Variants in DGKZ observed in about 807,000 individuals in gnomAD.
DGKZ encodes DAG kinase zeta.
DGKZ carries 45 observed loss-of-function variants against 142.5 expected under a neutral mutation model. The ratio of observed to expected loss-of-function variants is 0.32; its 90% confidence interval spans 0.25 to 0.40. The LOEUF (loss-of-function observed/expected upper bound fraction) is 0.40, where lower values mean the gene tolerates loss of function less well. Ranked by LOEUF, DGKZ falls within the 10% of genes least tolerant of loss-of-function variation. DGKZ has a pLI of 1.00. For missense variants in DGKZ, 755 were observed against 1,306.5 expected (o/e 0.58, Z 6.51); for synonymous variants, 442 against 527.0 (o/e 0.84, Z 2.21).
chr11:46,364,464 C>G, intron 1 of DGKZ: 1 of 1,271,056 alleles, frequency 7.9e-7, no homozygotes, highest in Non-Finnish European at 1.0e-6. Context: ...CCCTCCGGCC[C>G]AGGTGGTCTG....
intron 1 of DGKZ, among the ~76,000 whole-genome samples, chr11:46,335,174 T>C (rs1939954026): frequency 6.6e-6 from 1 of 151,818 alleles, no homozygotes; most frequent in Non-Finnish European, 1.5e-5. Flanking sequence ...ATTAACCAGG[T>C]GTGGTGGCAG....
chr11:46,378,587 C>T (rs773518731), intron 27 of DGKZ, 87 bp downstream of exon 27: 20 of 1,552,394 alleles, frequency 1.3e-5, no homozygotes, highest in Non-Finnish European at 1.8e-5. Context: ...AAGAGCTGAC[C>T]TGCTCAGGTG....
rs762591468 is a variant in DGKZ, at chr11:46,372,572, C to T, written c.1011-45C>T. Reference sequence around the variant, plus strand: ...GGGAACTTGCCTCACTCCTGGGGTACAGCACACATCCCCTGACCCCACTGC... The same window carrying T: ...GGGAACTTGCCTCACTCCTGGGGTATAGCACACATCCCCTGACCCCACTGC... On this transcript the variant is annotated intron_variant, in intron 11 of 30. Coordinates refer to ENST00000527911, the Ensembl canonical transcript of DGKZ. This position sits in a 1 kb window ranked among gnomAD's most constrained non-coding sequence, Gnocchi z 5.9. 8.7e-6 allele frequency: 14 copies of T among 1,613,622 alleles called. No homozygotes were observed. Among genetic ancestry groups the T allele is most frequent in the Middle Eastern group, 1.6e-4 (1 of 6,084 alleles).
At position 46,347,957 on chromosome 11, in the gene DGKZ, G is replaced by A. The variant is rs1225251574; in HGVS notation, c.161+137G>A. 4 of 1,211,222 alleles carry A rather than the reference G, an allele frequency of 3.3e-6. No individual in the cohort carries two copies. The highest frequency in any genetic ancestry group is 4.2e-6 in the Non-Finnish European group (4 of 959,012). 75.0% of individuals were successfully genotyped at this position (1,211,222 alleles called of 1,614,324 possible). A position where few individuals can be genotyped will look rare whatever the true frequency, so the allele number is the denominator to read the frequency against. ...AGTCGGGGAGAGGCTGGCACCGGCG[G>A]CACGAGCCGTCTTGGCGTGGGCACC... On this transcript the variant is annotated intron_variant, in intron 1 of 30. Coordinates refer to ENST00000527911, the Ensembl canonical transcript of DGKZ. The surrounding 1 kb of genome is among the most constrained non-coding windows in gnomAD (Gnocchi z 6.4).
Position 46,375,449 on chromosome 11 carries a change from C to T in DGKZ, c.1728C>T (p.Gly576=), listed in dbSNP as rs368401110. 3.0e-4 allele frequency: 472 copies of T among 1,576,542 alleles called. 3 individuals are homozygous for T. The highest frequency in any genetic ancestry group is 2.9e-3 in the South Asian group (251 of 86,886). ...GCCCACAGGCCGCGCTGCAGGTGGG[C>T]GGACACGGCGAGCGGCTGACGCAGT... The change falls in exon 20 of 31, where the codon GGC becomes GGT. Residue 576 remains glycine (G), a synonymous_variant. Transcript: ENST00000527911.
rs1422244179 is a variant in DGKZ at position 46,379,131 on chromosome 11, C to G, written c.2539+20C>G. ...ACCACGGTGAGCCGGGCAGTGGAGC[C>G]CAGGGCCTGGGGCCAAGGTGGGAGG... On this transcript the variant is annotated intron_variant, in intron 28 of 30. Coordinates refer to ENST00000527911, the Ensembl canonical transcript of DGKZ. The G allele has an allele frequency of 7.5e-6, 12 of 1,610,412 alleles. No homozygotes were observed. Among genetic ancestry groups the G allele is most frequent in the Middle Eastern group, 1.7e-4 (1 of 5,904 alleles).
In DGKZ at chr11:46,362,213, C is replaced by T. The variant is rs150557280; in HGVS notation, c.162-5078C>T. Among the ~76,000 whole-genome samples, 18 of 152,320 alleles carry T rather than the reference C, an allele frequency of 1.2e-4. No homozygotes were observed. The East Asian group carries it at 3.1e-3, about 26-fold the overall frequency. ...CGCCATGCACCATGCCCAGCCTTCACGGAGCAGAAGGCGGACGAGGCCCTG... is the reference window on the plus strand; with the variant it reads ...CGCCATGCACCATGCCCAGCCTTCATGGAGCAGAAGGCGGACGAGGCCCTG... On this transcript the variant is annotated intron_variant, in intron 1 of 30. Transcript: ENST00000527911.
chr11:46,373,790 G>T (rs1280238958), intron 14 of DGKZ, among the ~76,000 whole-genome samples: 2 of 152,216 alleles, frequency 1.3e-5, no homozygotes, highest in South Asian at 2.1e-4. Context: ...GAGCCACCAC[G>T]CCTGGTCAGA....
At chr11:46,339,948 G>T (rs1171803998) in intron 1 of DGKZ, among the ~76,000 whole-genome samples, 1 of 152,224 alleles carries the variant, frequency 6.6e-6, no homozygotes, top group Non-Finnish European at 1.5e-5. Context: ...CTTCTGCAGG[G>T]CTCCAGTGTG....
chr11:46,333,642 G>A (rs1025732059), intron 1 of DGKZ, among the ~76,000 whole-genome samples: 6 of 152,210 alleles, frequency 3.9e-5, no homozygotes, highest in Non-Finnish European at 7.3e-5. Context: ...TGTACAGCGG[G>A]AAGGAGGCAG....
At chr11:46,364,603 C>T in intron 1 of DGKZ, 4 of 985,450 alleles carry the variant, frequency 4.1e-6, no homozygotes, top group South Asian at 4.7e-5. Flanking sequence ...CCCTAGGCAC[C>T]TCCACCCTGT....
chr11:46,348,898 T>G, intron 1 of DGKZ, among the ~76,000 whole-genome samples: 1 of 152,202 alleles, frequency 6.6e-6, no homozygotes, highest in East Asian at 1.9e-4. Context: ...CTCTGACCAC[T>G]TGGAGTCTGC....
chr11:46,378,945 G>A, intron 27 of DGKZ, 46 bp from the exon 28 acceptor site: 1 of 1,504,992 alleles, frequency 6.6e-7, no homozygotes, highest in Non-Finnish European at 8.8e-7. Flanking sequence ...CAGGGAAGGA[G>A]GGGTGGCCCC....
chr11:46,367,160 C>T lies in DGKZ; in HGVS notation c.162-131C>T. 1 of 1,236,222 alleles carries T rather than the reference C, an allele frequency of 8.1e-7. No individual in the cohort carries two copies. The highest frequency in any genetic ancestry group is 1.3e-5 in the South Asian group (1 of 76,870). The allele number at this position is 1,236,222 out of a possible 1,614,324, so 76.6% of individuals were successfully genotyped here. On this transcript the variant is annotated intron_variant, in intron 1 of 30. Transcript: ENST00000527911. The surrounding 1 kb of genome is among the most constrained non-coding windows in gnomAD (Gnocchi z 4.1). ...TCTCTTGCAGGGAGCCTCTTAGTGT[C>T]TGGGGCTGCTGGGAGGCTCCTCCGC...
intron 1 of DGKZ, among the ~76,000 whole-genome samples, chr11:46,351,804 T>C (rs910852667): frequency 6.6e-5 from 10 of 152,194 alleles, no homozygotes; most frequent in African/African-American, 2.4e-4. Flanking sequence ...AGTATACAGC[T>C]GGCCCCTGCT....
At chr11:46,335,630 G>A (rs966043920) in intron 1 of DGKZ, among the ~76,000 whole-genome samples, 1 of 152,184 alleles carries the variant, frequency 6.6e-6, no homozygotes, top group African/African-American at 2.4e-5. Context: ...ACACCAGGGT[G>A]GACTCTGCTG....
chr11:46,367,111 GC>G lies in DGKZ; in HGVS notation c.162-178del. The G allele has an allele frequency of 7.6e-7, 1 of 1,323,052 alleles. No homozygotes were observed. 82.0% of individuals were successfully genotyped at this position (1,323,052 alleles called of 1,614,324 possible). A position where few individuals can be genotyped will look rare whatever the true frequency, so the allele number is the denominator to read the frequency against. ...GGAACACTCTGGGCAGTACCCTGAA[GC>G]CAGCGTACCCCAAAAGGCCATGTCT... On this transcript the variant is annotated intron_variant, in intron 1 of 30. Coordinates refer to ENST00000527911, the Ensembl canonical transcript of DGKZ. This position sits in a 1 kb window ranked among gnomAD's most constrained non-coding sequence, Gnocchi z 4.1.
intron 25 of DGKZ, chr11:46,377,561 T>A: frequency 3.0e-6 from 1 of 334,326 alleles, no homozygotes; most frequent in East Asian, 5.7e-5. Context: ...TGGCCATTCG[T>A]GCCCTCGAAC....
intron 30 of DGKZ, 59 bp from the exon 31 acceptor site, chr11:46,379,772 C>CCTG (rs1945014603): frequency 6.7e-7 from 1 of 1,494,610 alleles, no homozygotes; most frequent in Admixed American, 2.2e-5. Flanking sequence ...TGCCTCTCAG[C>CCTG]CTGCTAGGGG....
Sources: allele counts gnomAD v4.1 joint callset (sites outside exome capture counted in the v4.1 genomes callset), GRCh38; gene constraint gnomAD v4.1.1; non-coding constraint Gnocchi (gnomAD v3.1); transcripts MANE v1.5; gene names NCBI Gene and HGNC (gene_info 2026-07-23, HGNC 2026-07-21).